Variants in TAFA2 observed in about 807,000 individuals in gnomAD.
TAFA2 encodes TAFA chemokine like family member 2.
In TAFA2, 7 loss-of-function variants were observed where a neutral mutation model predicts 18.8. The ratio of observed to expected loss-of-function variants is 0.37; its 90% CI spans 0.21 to 0.70. The LOEUF is 0.70. TAFA2 is among the 30% of genes least tolerant of loss of function. The pLI is 0.53. For missense variants in TAFA2, 122 were observed against 158.1 expected, an observed-to-expected ratio of 0.77 and a Z score of 1.23; for synonymous variants, 60 against 54.2, an observed-to-expected ratio of 1.11 and a Z score of -0.47.
intron 1 of TAFA2, among the ~76,000 whole-genome samples, chr12:62,074,853 C>T (rs1882722485): frequency 6.6e-6 from 1 of 152,114 alleles, no homozygotes; most frequent in African/African-American, 2.4e-5. Flanking sequence ...AGGCACACAC[C>T]ACCACACCCA....
intron 2 of TAFA2, among the ~76,000 whole-genome samples, chr12:61,791,737 T>C (rs763005423): frequency 6.6e-6 from 1 of 151,688 alleles, no homozygotes; most frequent in Admixed American, 6.6e-5. Flanking sequence ...GGTGAGGATG[T>C]GGAGAAAAGG....
chr12:62,065,417 T>G (rs1229974137), intron 1 of TAFA2, among the ~76,000 whole-genome samples: 2 of 152,036 alleles, frequency 1.3e-5, no homozygotes, highest in Non-Finnish European at 2.9e-5. Context: ...TGACGGATTA[T>G]AGCAGAGAGC....
chr12:62,150,675 G>A (rs2062322061), intron 1 of TAFA2, among the ~76,000 whole-genome samples: 1 of 152,142 alleles, frequency 6.6e-6, no homozygotes, highest in Non-Finnish European at 1.5e-5. Flanking sequence ...GGCCGAGGCT[G>A]TTGGATCATT....
intron 2 of TAFA2, among the ~76,000 whole-genome samples, chr12:61,847,169 A>G (rs1201162875): frequency 6.6e-6 from 1 of 152,180 alleles, no homozygotes; most frequent in African/African-American, 2.4e-5. Flanking sequence ...TTTCTGTATT[A>G]TCTCTTCTGC....
At chr12:61,888,538 C>G (rs1291699662) in intron 1 of TAFA2, among the ~76,000 whole-genome samples, 2 of 152,128 alleles carry the variant, frequency 1.3e-5, no homozygotes, top group Non-Finnish European at 2.9e-5. Flanking sequence ...GTGGGCAAAA[C>G]AAGGATAACA....
chr12:61,876,118 T>C (rs1874834539), intron 1 of TAFA2, among the ~76,000 whole-genome samples: 1 of 152,198 alleles, frequency 6.6e-6, no homozygotes, highest in South Asian at 2.1e-4. Context: ...AAGACTTTTA[T>C]AATGCAAATA....
At chr12:61,877,221 G>C (rs7299131) in intron 1 of TAFA2, among the ~76,000 whole-genome samples, 108,274 of 151,920 alleles carry the variant, frequency 0.71, 38,916 homozygotes, top group East Asian at 0.79. Flanking sequence ...GATTTCAGTA[G>C]CTTTTAGAAT....
intron 2 of TAFA2, among the ~76,000 whole-genome samples, chr12:61,761,199 C>T (rs991036570): frequency 2.0e-5 from 3 of 152,014 alleles, no homozygotes; most frequent in Non-Finnish European, 2.9e-5. Context: ...GTCCCATAGG[C>T]ATTTTACCAA....
At chr12:61,845,720 T>C (rs1183563722) in intron 2 of TAFA2, among the ~76,000 whole-genome samples, 2 of 152,198 alleles carry the variant, frequency 1.3e-5, no homozygotes, top group South Asian at 2.1e-4. Flanking sequence ...TACAGCCACA[T>C]ATTTTAATGT....
chr12:61,838,370 T>C (rs1873024475), intron 2 of TAFA2, among the ~76,000 whole-genome samples: 1 of 151,964 alleles, frequency 6.6e-6, no homozygotes, highest in Admixed American at 6.6e-5. Flanking sequence ...TAATTGAATA[T>C]GAGTTTCTGT....
At chr12:61,935,548 G>T (rs1292987377) in intron 1 of TAFA2, among the ~76,000 whole-genome samples, 2 of 151,912 alleles carry the variant, frequency 1.3e-5, no homozygotes, top group Non-Finnish European at 2.9e-5. Flanking sequence ...CCTTCATTAT[G>T]GAATTTATAC....
At chr12:62,118,099 T>C (rs1469720329) in intron 1 of TAFA2, among the ~76,000 whole-genome samples, 1 of 152,128 alleles carries the variant, frequency 6.6e-6, no homozygotes, top group African/African-American at 2.4e-5. Flanking sequence ...CTCTGAATCT[T>C]CAGATTTGAG....
intron 1 of TAFA2, among the ~76,000 whole-genome samples, chr12:61,965,044 G>A (rs567602225): frequency 1.4e-4 from 21 of 151,910 alleles, no homozygotes; most frequent in African/African-American, 5.1e-4. Flanking sequence ...GACGTTCAAA[G>A]GTCAATTATC....
At chr12:62,180,349 G>A (rs182711764) in intron 1 of TAFA2, among the ~76,000 whole-genome samples, 52 of 152,200 alleles carry the variant, frequency 3.4e-4, no homozygotes, top group Non-Finnish European at 6.2e-4. Context: ...GAAAAATCAG[G>A]TTCATTCCAT....
At chr12:61,855,698 G>C (rs1253043552) in intron 2 of TAFA2, among the ~76,000 whole-genome samples, 2 of 151,860 alleles carry the variant, frequency 1.3e-5, no homozygotes, top group Non-Finnish European at 2.9e-5. Context: ...GGATGCTTCA[G>C]AATTATTTTA....
intron 1 of TAFA2, among the ~76,000 whole-genome samples, chr12:62,152,074 T>C (rs2062332450): frequency 6.6e-6 from 1 of 152,172 alleles, no homozygotes; most frequent in Admixed American, 6.5e-5. Context: ...CACAACAGAA[T>C]GCTATTGCTT....
chr12:61,923,416 C>T (rs908985886), intron 1 of TAFA2, among the ~76,000 whole-genome samples: 1 of 152,202 alleles, frequency 6.6e-6, no homozygotes, highest in African/African-American at 2.4e-5. Flanking sequence ...CTTTGCTGTT[C>T]TGCAGCCTCT....
At chr12:62,230,712 C>A (rs964650066) in intron 1 of TAFA2, among the ~76,000 whole-genome samples, 1 of 152,164 alleles carries the variant, frequency 6.6e-6, no homozygotes, top group African/African-American at 2.4e-5. Context: ...GGGTCTCACC[C>A]TGTCACCCAG....
At chr12:61,971,920 C>T (rs1879263307) in intron 1 of TAFA2, among the ~76,000 whole-genome samples, 2 of 151,678 alleles carry the variant, frequency 1.3e-5, no homozygotes, top group African/African-American at 2.4e-5. Flanking sequence ...TAACAATAAA[C>T]TTACAGACCA....
Sources: allele counts gnomAD v4.1 joint callset (sites outside exome capture counted in the v4.1 genomes callset), GRCh38; gene constraint gnomAD v4.1.1; transcripts MANE v1.5; gene names NCBI Gene and HGNC (gene_info 2026-07-23, HGNC 2026-07-21).